ZDHHC15: variants seen among roughly 807,000 people sequenced by gnomAD.
The protein encoded by ZDHHC15 is palmitoyltransferase ZDHHC15.
ZDHHC15 carries 19 observed loss-of-function variants against 31.7 expected under a neutral mutation model. The ratio of observed to expected loss-of-function variants is 0.60; its 90% CI spans 0.42 to 0.88. The LOEUF is 0.88. Ranked by LOEUF, ZDHHC15 falls within the 40% of genes least tolerant of loss-of-function variation. The pLI is 0.00. For missense variants in ZDHHC15, 209 were observed against 251.2 expected (o/e 0.83, Z 1.14); for synonymous variants, 103 against 90.0 (o/e 1.14, Z -0.82).
intron 1 of ZDHHC15, among the ~76,000 whole-genome samples, chrX:75,516,466 A>G (rs1444682949): frequency 8.9e-6 from 1 of 112,684 alleles, no homozygotes; most frequent in Non-Finnish European, 1.9e-5. Context: ...GTCAAACCTG[A>G]CAAAAACAAG....
intron 10 of ZDHHC15, among the ~76,000 whole-genome samples, chrX:75,386,390 A>T (rs1345666561): frequency 2.7e-5 from 3 of 112,368 alleles, no homozygotes; most frequent in Admixed American, 9.4e-5. Flanking sequence ...GATATATTCT[A>T]TAAAAATTAT....
intron 1 of ZDHHC15, among the ~76,000 whole-genome samples, chrX:75,512,996 C>G (rs1358276271): frequency 2.0e-5 from 2 of 97,919 alleles, no homozygotes; most frequent in East Asian, 6.8e-4. Flanking sequence ...ATATCTACAA[C>G]TATCTGATCT....
intron 10 of ZDHHC15, among the ~76,000 whole-genome samples, chrX:75,396,382 G>A (rs979907112): frequency 1.8e-5 from 2 of 111,681 alleles, no homozygotes; most frequent in Non-Finnish European, 3.8e-5. Context: ...TGGCAAACGG[G>A]TACATGGAAA....
chrX:75,521,401 T>A (rs2124693), intron 1 of ZDHHC15, among the ~76,000 whole-genome samples: 21,837 of 109,753 alleles, frequency 0.2, 2,199 homozygotes, highest in East Asian at 0.85. Flanking sequence ...CAGGATATAA[T>A]ATGAAAACGC....
intron 2 of ZDHHC15, among the ~76,000 whole-genome samples, chrX:75,484,526 G>C (rs2147992185): frequency 8.9e-6 from 1 of 111,988 alleles, no homozygotes; most frequent in South Asian, 3.7e-4. Context: ...TAGAATATAA[G>C]AAACTATCAC....
chrX:75,493,594 G>C (rs2084937301), intron 2 of ZDHHC15, among the ~76,000 whole-genome samples: 1 of 111,588 alleles, frequency 9.0e-6, no homozygotes, highest in African/African-American at 3.3e-5. Flanking sequence ...ATGATCAAGT[G>C]GGCTTCATCC....
At chrX:75,422,359 C>T (rs1309530452) in intron 8 of ZDHHC15, among the ~76,000 whole-genome samples, 2 of 111,977 alleles carry the variant, frequency 1.8e-5, no homozygotes, top group African/African-American at 3.2e-5. Context: ...GCGGCAACAA[C>T]AGCCGAATGA....
chrX:75,460,066 G>T (rs1204600425), intron 3 of ZDHHC15, among the ~76,000 whole-genome samples: 2 of 111,886 alleles, frequency 1.8e-5, no homozygotes, highest in African/African-American at 3.3e-5. Flanking sequence ...GTAGAGATGG[G>T]GTTTCTCCAT....
At chrX:75,493,060 A>G (rs184404868) in intron 2 of ZDHHC15, among the ~76,000 whole-genome samples, 1 of 111,991 alleles carries the variant, frequency 8.9e-6, no homozygotes, top group Non-Finnish European at 1.9e-5. Flanking sequence ...AAGAAAAGAG[A>G]GCAGAATCAA....
chrX:75,496,028 G>A (rs942014479), intron 2 of ZDHHC15, among the ~76,000 whole-genome samples: 3 of 110,161 alleles, frequency 2.7e-5, no homozygotes, highest in African/African-American at 9.9e-5. Flanking sequence ...AATATAAATG[G>A]CCTAAATAAT....
At chrX:75,406,053 C>T (rs756250258) in intron 10 of ZDHHC15, among the ~76,000 whole-genome samples, 6 of 111,651 alleles carry the variant, frequency 5.4e-5, no homozygotes, top group Non-Finnish European at 1.1e-4. Flanking sequence ...ATAAGATGAA[C>T]CCTGGAACCT....
chrX:75,411,522 G>A (rs1406567803), intron 10 of ZDHHC15, among the ~76,000 whole-genome samples: 1 of 112,530 alleles, frequency 8.9e-6, no homozygotes, highest in Non-Finnish European at 1.9e-5. Flanking sequence ...TGTACATTTC[G>A]ATATAGCTAG....
intron 3 of ZDHHC15, among the ~76,000 whole-genome samples, chrX:75,473,445 C>T (rs766149055): frequency 9.0e-6 from 1 of 110,950 alleles, no homozygotes; most frequent in East Asian, 2.8e-4. Flanking sequence ...TTATGTTCTG[C>T]TTGCCCAGAG....
At chrX:75,506,843 T>C (rs1429484633) in intron 1 of ZDHHC15, among the ~76,000 whole-genome samples, 1 of 111,910 alleles carries the variant, frequency 8.9e-6, no homozygotes, top group Non-Finnish European at 1.9e-5. Flanking sequence ...AGACCAATAT[T>C]AATAAGGAGG....
At chrX:75,515,009 C>T (rs2085333777) in intron 1 of ZDHHC15, among the ~76,000 whole-genome samples, 1 of 111,509 alleles carries the variant, frequency 9.0e-6, no homozygotes, top group African/African-American at 3.3e-5. Context: ...CATACACCAT[C>T]CCAAGACTAA....
At chrX:75,474,524 A>ATATATATATATATAATCTCCTT (rs1569349174) in intron 3 of ZDHHC15, among the ~76,000 whole-genome samples, 1 of 14,141 alleles carries the variant, frequency 7.1e-5, no homozygotes, top group African/African-American at 1.0e-4. Context: ...ATATGTGTGT[A>ATATATATATATATAATCTCCTT]TATATATATA....
At chrX:75,388,014 G>A (rs2083198376) in intron 10 of ZDHHC15, among the ~76,000 whole-genome samples, 2 of 112,108 alleles carry the variant, frequency 1.8e-5, no homozygotes. Context: ...CACAGGCCAG[G>A]AGGGAGTAGG....
chrX:75,400,672 C>T (rs1569311048), intron 10 of ZDHHC15, among the ~76,000 whole-genome samples: 1 of 111,592 alleles, frequency 9.0e-6, no homozygotes. Flanking sequence ...TTCTAAGACA[C>T]ATAATCATCA....
intron 10 of ZDHHC15, among the ~76,000 whole-genome samples, chrX:75,416,133 C>T (rs1467568897): frequency 1.8e-5 from 2 of 111,766 alleles, no homozygotes; most frequent in Non-Finnish European, 3.8e-5. Flanking sequence ...TCTTTTTTAT[C>T]TATGGATTTG....
Sources: allele counts gnomAD v4.1 joint callset (sites outside exome capture counted in the v4.1 genomes callset), GRCh38; gene constraint gnomAD v4.1.1; transcripts MANE v1.5; gene names NCBI Gene and HGNC (gene_info 2026-07-23, HGNC 2026-07-21).